Variants in SPIRE1 observed in about 807,000 individuals in gnomAD.
SPIRE1 encodes the protein spire type actin nucleation factor 1.
In SPIRE1, 40 loss-of-function variants were observed where a neutral mutation model predicts 94.1. The observed-to-expected ratio is 0.43, with a 90% CI of 0.33 to 0.55. The LOEUF (loss-of-function observed/expected upper bound fraction) is 0.55, where lower values mean the gene tolerates loss of function less well. Among genes scored for constraint, SPIRE1 ranks in the 20% least tolerant of loss-of-function variants. The pLI, the probability that SPIRE1 is intolerant of heterozygous loss-of-function variation, is 0.06. For synonymous variants in SPIRE1, 376 were observed against 371.7 expected (o/e 1.01, Z -0.13); for missense variants, 838 against 975.2 (o/e 0.86, Z 1.87).
chr18:12,579,186 T>TAC (rs755425946), intron 2 of SPIRE1, among the ~76,000 whole-genome samples: 2,611 of 108,506 alleles, frequency 0.024, 57 homozygotes, highest in East Asian at 0.075. Context: ...GGAAAAAGTT[T>TAC]ACACACACAC....
At chr18:12,471,787 C>A (rs2032370353) in intron 10 of SPIRE1, among the ~76,000 whole-genome samples, 1 of 152,042 alleles carries the variant, frequency 6.6e-6, no homozygotes, top group Admixed American at 6.6e-5. Context: ...GTTTTGTTAT[C>A]TTCTTCTTCT....
chr18:12,651,363 C>T (rs1396643142), intron 1 of SPIRE1, among the ~76,000 whole-genome samples: 1 of 150,106 alleles, frequency 6.7e-6, no homozygotes, highest in Admixed American at 6.7e-5. Flanking sequence ...ACAGAAAGAG[C>T]AGACCAAAAA....
At chr18:12,479,930 A>C in intron 9 of SPIRE1, 59 bp from the exon 10 acceptor site, 1 of 1,513,076 alleles carries the variant, frequency 6.6e-7, no homozygotes, top group Non-Finnish European at 9.0e-7. Flanking sequence ...CTGTGTTGGA[A>C]GCATACCAGG....
chr18:12,599,571 C>T (rs1284260759), intron 2 of SPIRE1, among the ~76,000 whole-genome samples: 2 of 152,146 alleles, frequency 1.3e-5, no homozygotes, highest in Non-Finnish European at 2.9e-5. Flanking sequence ...TCTTTAGTCT[C>T]CTTTAATCAA....
chr18:12,623,397 C>G (rs990104612), intron 2 of SPIRE1, among the ~76,000 whole-genome samples: 9 of 152,088 alleles, frequency 5.9e-5, no homozygotes, highest in Non-Finnish European at 1.0e-4. Flanking sequence ...TCGTGATCTG[C>G]CCGCCTTGGC....
intron 2 of SPIRE1, among the ~76,000 whole-genome samples, chr18:12,618,542 A>C (rs1348309438): frequency 6.6e-6 from 1 of 152,196 alleles, no homozygotes; most frequent in Non-Finnish European, 1.5e-5. Flanking sequence ...TCAACAGCTA[A>C]AATCAGTCAA....
At chr18:12,582,422 AAAAAT>A in intron 2 of SPIRE1, among the ~76,000 whole-genome samples, 1 of 152,316 alleles carries the variant, frequency 6.6e-6, no homozygotes, top group Non-Finnish European at 1.5e-5. Context: ...AAAAATATGT[AAAAAT>A]AAAGCTAAAC....
chr18:12,607,239 C>T (rs1159975169), intron 2 of SPIRE1, among the ~76,000 whole-genome samples: 2 of 152,112 alleles, frequency 1.3e-5, no homozygotes, highest in South Asian at 2.1e-4. Flanking sequence ...TTTAGAAAGA[C>T]CTGTAACTGC....
At chr18:12,658,323 C>T, upstream of SPIRE1, 1 of 438,462 alleles carries the variant, frequency 2.3e-6, no homozygotes, top group Non-Finnish European at 4.5e-6. Context: ...TCGCAAGGGA[C>T]ACACAGCTGG....
intron 2 of SPIRE1, among the ~76,000 whole-genome samples, chr18:12,562,420 G>C (rs2035711652): frequency 6.7e-6 from 1 of 148,408 alleles, no homozygotes; most frequent in African/African-American, 2.4e-5. Context: ...GAGTAGCTAG[G>C]ACCACAGGCA....
At chr18:12,644,932 C>T (rs2038182041) in intron 1 of SPIRE1, among the ~76,000 whole-genome samples, 5 of 152,064 alleles carry the variant, frequency 3.3e-5, no homozygotes, top group Admixed American at 3.3e-4. Flanking sequence ...AATATTACTT[C>T]CATTTTACAA....
chr18:12,614,920 GGCTCAT>G (rs2037242643), intron 2 of SPIRE1, among the ~76,000 whole-genome samples: 1 of 151,926 alleles, frequency 6.6e-6, no homozygotes, highest in Admixed American at 6.6e-5. Flanking sequence ...CAGGCCCGGT[GGCTCAT>G]GCCTGTAATC....
chr18:12,503,332 C>A (rs2033725805), intron 6 of SPIRE1, among the ~76,000 whole-genome samples: 1 of 152,166 alleles, frequency 6.6e-6, no homozygotes, highest in Non-Finnish European at 1.5e-5. Context: ...CAGCGCGCAT[C>A]CGACCTCTCT....
chr18:12,621,595 A>G (rs1377246864), intron 2 of SPIRE1, among the ~76,000 whole-genome samples: 2 of 152,230 alleles, frequency 1.3e-5, no homozygotes, highest in Non-Finnish European at 2.9e-5. Flanking sequence ...ACATTATGCT[A>G]AATGAAAGAA....
At chr18:12,460,925 C>T (rs943010889) in intron 12 of SPIRE1, among the ~76,000 whole-genome samples, 13 of 152,282 alleles carry the variant, frequency 8.5e-5, no homozygotes, top group African/African-American at 2.9e-4. Flanking sequence ...AAGATCATTT[C>T]GTCTCTGCTG....
Position 12,479,861 on chromosome 18 carries a change from G to C in SPIRE1, c.1242C>G (p.Thr414=), listed in dbSNP as rs768886423. The change falls in exon 10 of 17, where the codon ACC becomes ACG. Residue 414 remains threonine (T), a synonymous_variant. Transcript: ENST00000409402. ...SYSFDLSDVT[T]PESTKNLVES... is the part of the protein sequence containing the mutation. ...CCACAAGATTCTTTGTAGATTCAGGGGTAGTCACATCTGGTAAAAAAGCAA... is the reference window on the plus strand; with the variant it reads ...CCACAAGATTCTTTGTAGATTCAGGCGTAGTCACATCTGGTAAAAAAGCAA... The C allele has an allele frequency of 6.2e-7, 1 of 1,612,688 alleles. No homozygotes were observed. The highest frequency in any genetic ancestry group is 8.5e-7 in the Non-Finnish European group (1 of 1,179,644).
rs1190393032 is a variant in SPIRE1, at chr18:12,525,853, G to A, written c.729+9623C>T. Among the ~76,000 whole-genome samples, 7 of 152,108 alleles carry A rather than the reference G, an allele frequency of 4.6e-5. No individual in the cohort carries two copies. The South Asian group carries it at 1.0e-3, about 23-fold the overall frequency. On this transcript the variant is annotated intron_variant, in intron 4 of 16. Transcript: ENST00000409402. ...ACTCCATCTACTCATTCCTAGCATC[G>A]TAAAGATCTTCCCTAGGATGCAGTT...
At chr18:12,538,528 T>C (rs1189737235) in intron 3 of SPIRE1, among the ~76,000 whole-genome samples, 1 of 152,170 alleles carries the variant, frequency 6.6e-6, no homozygotes, top group Non-Finnish European at 1.5e-5. Context: ...TAGCTGCCCT[T>C]GTCTAGTCTA....
intron 1 of SPIRE1, among the ~76,000 whole-genome samples, chr18:12,657,219 CGCGGGCAGCTGTCCCGCGGGCA>C (rs961552465): frequency 6.6e-5 from 10 of 150,674 alleles, no homozygotes; most frequent in Non-Finnish European, 1.5e-4. Flanking sequence ...CCAAACGCGC[CGCGGGCAGCTGTCCCGCGGGCA>C]GCACAATGAC....
Sources: gnomAD v4.1 joint callset for allele counts (sites outside exome capture counted in the v4.1 genomes callset) on GRCh38, gnomAD v4.1.1 for gene constraint, MANE v1.5 for transcripts, NCBI Gene and HGNC (gene_info 2026-07-23, HGNC 2026-07-21) for gene names.